PLPP1: variants seen among roughly 807,000 people sequenced by gnomAD.
PLPP1 encodes the protein phospholipid phosphatase 1.
PLPP1 carries 24 observed loss-of-function variants against 31.2 expected under a neutral mutation model. That is an observed-to-expected ratio of 0.77 (90% CI 0.56 to 1.08). PLPP1 has a LOEUF of 1.08. Ranked by LOEUF, PLPP1 falls within the 50% of genes least tolerant of loss-of-function variation. The pLI, the probability that PLPP1 is intolerant of heterozygous loss-of-function variation, is 0.00. For synonymous variants in PLPP1, 146 were observed against 126.3 expected, an observed-to-expected ratio of 1.16 and a Z score of -1.05; for missense variants, 319 against 342.7, an observed-to-expected ratio of 0.93 and a Z score of 0.55.
At chr5:55,487,689 A>C (rs1561242816) in intron 1 of PLPP1, among the ~76,000 whole-genome samples, 1 of 152,164 alleles carries the variant, frequency 6.6e-6, no homozygotes, top group Admixed American at 6.5e-5. Flanking sequence ...ATAGAAAATA[A>C]ATTATTTTCT....
At chr5:55,487,608 CA>C (rs1040948005) in intron 1 of PLPP1, among the ~76,000 whole-genome samples, 1 of 151,870 alleles carries the variant, frequency 6.6e-6, no homozygotes, top group Non-Finnish European at 1.5e-5. Flanking sequence ...TCTATCACCC[CA>C]AATCTTAATT....
rs371578684 is a variant in PLPP1, at chr5:55,441,923, A to G, written c.492-15T>C. 6.2e-7 allele frequency: 1 copy of G among 1,611,164 alleles called. No homozygotes were observed. Among genetic ancestry groups the G allele is most frequent in the Non-Finnish European group, 8.5e-7 (1 of 1,177,292 alleles). Reference sequence around the variant, plus strand: ...AGAAGGACAACCTGGAAGAAAAAGAAGACAAATGTTACTTTTCTCTCTTAG... The same window carrying G: ...AGAAGGACAACCTGGAAGAAAAAGAGGACAAATGTTACTTTTCTCTCTTAG... On this transcript the variant is annotated splice_polypyrimidine_tract_variant and intron_variant, in intron 3 of 5. Coordinates refer to ENST00000307259, the MANE Select transcript of PLPP1 (RefSeq NM_003711.4).
chr5:55,439,560 C>T (rs560848059), intron 4 of PLPP1, among the ~76,000 whole-genome samples: 17 of 152,308 alleles, frequency 1.1e-4, no homozygotes, highest in Admixed American at 9.8e-4. Context: ...TTGGTTCAAA[C>T]TGACCCAATT....
At chr5:55,480,447 T>G (rs1752645944) in intron 1 of PLPP1, among the ~76,000 whole-genome samples, 1 of 152,056 alleles carries the variant, frequency 6.6e-6, no homozygotes, top group Non-Finnish European at 1.5e-5. Context: ...TTGCATTTAA[T>G]CCCTGCTTCC....
chr5:55,532,097 G>A (rs1250591104), intron 1 of PLPP1, among the ~76,000 whole-genome samples: 3 of 152,122 alleles, frequency 2.0e-5, no homozygotes, highest in African/African-American at 7.2e-5. Flanking sequence ...CAACTGTCAG[G>A]TCAATGTAGC....
At chr5:55,428,100 C>CTAAG (rs1450630892) in intron 4 of PLPP1, among the ~76,000 whole-genome samples, 11 of 150,610 alleles carry the variant, frequency 7.3e-5, no homozygotes, top group Non-Finnish European at 1.5e-4. Context: ...TCCAACACTT[C>CTAAG]TAAGTGAAGT....
intron 1 of PLPP1, among the ~76,000 whole-genome samples, chr5:55,517,334 G>A (rs1198130525): frequency 6.6e-6 from 1 of 152,088 alleles, no homozygotes; most frequent in East Asian, 1.9e-4. Context: ...CTACAGGCCT[G>A]CACCACCAAG....
chr5:55,498,228 A>AAG (rs1214712950), intron 1 of PLPP1, among the ~76,000 whole-genome samples: 1 of 152,192 alleles, frequency 6.6e-6, no homozygotes, highest in Non-Finnish European at 1.5e-5. Context: ...GGGCTATGAA[A>AAG]AGAGCTGTGT....
chr5:55,529,089 A>C (rs535347291), intron 1 of PLPP1, among the ~76,000 whole-genome samples: 4 of 152,218 alleles, frequency 2.6e-5, no homozygotes, highest in African/African-American at 9.6e-5. Flanking sequence ...AATAGCAGCC[A>C]ACTAGATCAC....
intron 4 of PLPP1, among the ~76,000 whole-genome samples, chr5:55,428,031 C>T (rs1243170919): frequency 6.6e-6 from 1 of 152,192 alleles, no homozygotes; most frequent in African/African-American, 2.4e-5. Context: ...AGGTGATCCA[C>T]CCACCTCAGC....
chr5:55,516,097 GCTTCAGAA>G (rs1753550208), intron 1 of PLPP1, among the ~76,000 whole-genome samples: 1 of 152,080 alleles, frequency 6.6e-6, no homozygotes, highest in Non-Finnish European at 1.5e-5. Context: ...CAAGCCAGAA[GCTTCAGAA>G]CTATTCTTGA....
intron 2 of PLPP1, among the ~76,000 whole-genome samples, chr5:55,472,489 A>T (rs918206591): frequency 2.0e-5 from 3 of 152,042 alleles, no homozygotes; most frequent in Non-Finnish European, 4.4e-5. Context: ...AATCCCAGCT[A>T]TGTGGGAGGC....
intron 1 of PLPP1, among the ~76,000 whole-genome samples, chr5:55,493,322 A>G (rs1752936421): frequency 6.6e-6 from 1 of 151,920 alleles, no homozygotes; most frequent in Non-Finnish European, 1.5e-5. Context: ...CTCAAAAAAA[A>G]AAAAAAGAAG....
At chr5:55,483,848 T>C (rs2111832884) in intron 1 of PLPP1, among the ~76,000 whole-genome samples, 1 of 152,204 alleles carries the variant, frequency 6.6e-6, no homozygotes, top group East Asian at 1.9e-4. Context: ...AATGGAGATA[T>C]AATGGGATTT....
rs766427284 is a variant in PLPP1 at position 55,534,709 on chromosome 5, G to C, written c.-80C>G. ...CCGAGGCCCTTGATTCTCGAGCCCG[G>C]GCCGGGGCTGGCGACGGCCCCGAGC... On this transcript the variant is annotated 5_prime_UTR_variant, in exon 1 of 6. Coordinates refer to ENST00000307259, the MANE Select transcript of PLPP1 (RefSeq NM_003711.4). The C allele has an allele frequency of 1.6e-5, 23 of 1,413,818 alleles. No homozygotes were observed. The highest frequency in any genetic ancestry group is 2.0e-5 in the Non-Finnish European group (21 of 1,052,688). 87.6% of individuals were successfully genotyped at this position (1,413,818 alleles called of 1,614,324 possible). A position where few individuals can be genotyped will look rare whatever the true frequency, so the allele number is the denominator to read the frequency against.
intron 2 of PLPP1, chr5:55,468,359 A>G: frequency 4.3e-6 from 2 of 460,042 alleles, no homozygotes; most frequent in African/African-American, 3.9e-5. Context: ...GGTGGACATT[A>G]CTTACAAAGC....
intron 1 of PLPP1, among the ~76,000 whole-genome samples, chr5:55,481,096 T>TC (rs1269656577): frequency 2.6e-5 from 4 of 152,166 alleles, no homozygotes; most frequent in Non-Finnish European, 5.9e-5. Context: ...TCGCCGTCCT[T>TC]TATTAGAGAC....
intron 1 of PLPP1, among the ~76,000 whole-genome samples, chr5:55,485,792 T>C (rs1406148738): frequency 2.6e-5 from 4 of 152,176 alleles, no homozygotes; most frequent in Admixed American, 6.5e-5. Flanking sequence ...AAAATCTTTC[T>C]ATGTCAATAT....
At chr5:55,468,907 T>C (rs962122594) in intron 2 of PLPP1, among the ~76,000 whole-genome samples, 3 of 152,166 alleles carry the variant, frequency 2.0e-5, no homozygotes, top group African/African-American at 7.2e-5. Context: ...CAAATATTCC[T>C]TTGAATCAAA....
Sources: allele counts gnomAD v4.1 joint callset (sites outside exome capture counted in the v4.1 genomes callset), GRCh38; gene constraint gnomAD v4.1.1; transcripts MANE v1.5; gene names NCBI Gene and HGNC (gene_info 2026-07-23, HGNC 2026-07-21).